Variants in ATP8A2 observed in about 807,000 individuals in gnomAD.
ATP8A2 encodes phospholipid-transporting ATPase IB.
A neutral mutation model predicts 165.6 loss-of-function variants in ATP8A2; 100 were observed. The observed-to-expected ratio is 0.60, with a 90% CI of 0.51 to 0.71. The LOEUF (loss-of-function observed/expected upper bound fraction) is 0.71, where lower values mean the gene tolerates loss of function less well. ATP8A2 is among the 30% of genes least tolerant of loss of function. The probability of loss-of-function intolerance (pLI) is 0.00; values close to 1 mark genes in which losing one functional copy is unlikely to be tolerated. For synonymous variants in ATP8A2, 543 were observed against 548.8 expected (o/e 0.99, Z 0.15); for missense variants, 1,227 against 1,479.5 (o/e 0.83, Z 2.80).
At chr13:25,973,418 C>T (rs1451255800) in intron 35 of ATP8A2, among the ~76,000 whole-genome samples, 1 of 152,154 alleles carries the variant, frequency 6.6e-6, no homozygotes, top group Non-Finnish European at 1.5e-5. Flanking sequence ...GCCCTGGTCA[C>T]AGCCTTGGAC....
At chr13:25,649,191 G>T (rs1223469287) in intron 24 of ATP8A2, among the ~76,000 whole-genome samples, 1 of 152,130 alleles carries the variant, frequency 6.6e-6, no homozygotes, top group Non-Finnish European at 1.5e-5. Context: ...TGCAATTCTG[G>T]TTGGGCTAGC....
At chr13:25,401,855 T>C (rs1341027500) in intron 1 of ATP8A2, among the ~76,000 whole-genome samples, 1 of 152,172 alleles carries the variant, frequency 6.6e-6, no homozygotes, top group African/African-American at 2.4e-5. Flanking sequence ...ACTGTTGTGC[T>C]TTGGGGCTAT....
chr13:25,807,874 A>G (rs1431769024), intron 27 of ATP8A2, among the ~76,000 whole-genome samples: 1 of 152,194 alleles, frequency 6.6e-6, no homozygotes, highest in African/African-American at 2.4e-5. Context: ...GGAAGAAAGG[A>G]ATAAAGGGTA....
intron 33 of ATP8A2, among the ~76,000 whole-genome samples, chr13:25,921,430 G>C (rs1298683716): frequency 6.6e-6 from 1 of 151,286 alleles, no homozygotes; most frequent in Non-Finnish European, 1.5e-5. Flanking sequence ...AGCCTGGCCA[G>C]GTTGGTGAAA....
chr13:25,388,623 AC>A (rs2033140830), intron 1 of ATP8A2, among the ~76,000 whole-genome samples: 1 of 152,154 alleles, frequency 6.6e-6, no homozygotes, highest in African/African-American at 2.4e-5. Flanking sequence ...AGATAACATA[AC>A]CGATCAGGTC....
chr13:25,465,124 G>A (rs2035599841), intron 1 of ATP8A2, among the ~76,000 whole-genome samples: 1 of 152,228 alleles, frequency 6.6e-6, no homozygotes, highest in Non-Finnish European at 1.5e-5. Flanking sequence ...CTCATTTTAT[G>A]TGGTAGTATT....
rs149257236 is a variant in ATP8A2 at position 25,862,363 on chromosome 13, G to A, written c.3138G>A (p.Ser1046=). 1.1e-4 allele frequency: 179 copies of A among 1,613,990 alleles called. 1 individual carries two copies. The African/African-American group carries it at 2.0e-3, about 18-fold the overall frequency. Residue 1046 remains serine (S), a synonymous_variant, in exon 33 of 37, where the codon TCG becomes TCA. Coordinates refer to ENST00000381655, the MANE Select transcript of ATP8A2 (RefSeq NM_016529.6). The stretch of plus-strand genomic sequence containing the variant: ...GGCTGGTGTTTTTTGGCATCTACTC[G>A]ACCATCTGGCCCACCATTCCCATTG... The part of the protein sequence containing the change: ...LTWLVFFGIY[S]TIWPTIPIAP...
rs1489682797 is a variant in ATP8A2, at chr13:25,372,082, C to G, written c.-131C>G. 1.9e-6 allele frequency: 1 copy of G among 536,376 alleles called. No homozygotes were observed. Among genetic ancestry groups the G allele is most frequent in the African/African-American group, 2.0e-5 (1 of 49,604 alleles). The allele number at this position is 536,376 out of a possible 1,614,324, so 33.2% of individuals were successfully genotyped here. ...GGGCGCGGCCCGGCACAGGCGCCGGCGGTCCCCGCCAGCTAGCAGCCCGGC... is the reference window on the plus strand; with the variant it reads ...GGGCGCGGCCCGGCACAGGCGCCGGGGGTCCCCGCCAGCTAGCAGCCCGGC... On this transcript the variant is annotated 5_prime_UTR_variant, in exon 1 of 37. Transcript: ENST00000381655. The surrounding 1 kb of genome is among the most constrained non-coding windows in gnomAD (Gnocchi z 4.8).
At chr13:25,605,591 A>G (rs756466168) in intron 24 of ATP8A2, among the ~76,000 whole-genome samples, 5 of 152,170 alleles carry the variant, frequency 3.3e-5, no homozygotes, top group Admixed American at 6.5e-5. Flanking sequence ...GTATATACAT[A>G]TATGCCTGTG....
intron 33 of ATP8A2, among the ~76,000 whole-genome samples, chr13:25,908,201 C>T (rs1321604359): frequency 6.6e-6 from 1 of 151,896 alleles, no homozygotes; most frequent in Non-Finnish European, 1.5e-5. Flanking sequence ...TTTCTTTGCT[C>T]CTATGTCTGT....
intron 1 of ATP8A2, among the ~76,000 whole-genome samples, chr13:25,436,448 T>C (rs1203862165): frequency 2.0e-5 from 3 of 152,180 alleles, no homozygotes; most frequent in African/African-American, 7.2e-5. Context: ...ATCTCATTCT[T>C]TTTTATGGCT....
chr13:25,524,864 CTTG>C (rs1427706788), intron 2 of ATP8A2, among the ~76,000 whole-genome samples: 5 of 151,198 alleles, frequency 3.3e-5, no homozygotes, highest in Non-Finnish European at 7.4e-5. Flanking sequence ...CATTTTTCTG[CTTG>C]TTTTCTCATT....
intron 33 of ATP8A2, among the ~76,000 whole-genome samples, chr13:25,914,332 C>T (rs1421351310): frequency 6.6e-6 from 1 of 152,188 alleles, no homozygotes; most frequent in South Asian, 2.1e-4. Context: ...CCAGCCCTTA[C>T]CTCTTTCTTA....
intron 24 of ATP8A2, among the ~76,000 whole-genome samples, chr13:25,693,200 A>G (rs2042764038): frequency 6.6e-6 from 1 of 152,192 alleles, no homozygotes; most frequent in South Asian, 2.1e-4. Context: ...AATGGATTCT[A>G]AGTGCCCAAT....
chr13:25,754,593 G>A (rs2044221614), intron 25 of ATP8A2, among the ~76,000 whole-genome samples: 1 of 151,866 alleles, frequency 6.6e-6, no homozygotes, highest in African/African-American at 2.4e-5. Context: ...TGTAACTAAG[G>A]GAATCTTGGA....
chr13:25,792,819 G>T (rs900747806), intron 27 of ATP8A2, among the ~76,000 whole-genome samples: 3 of 152,080 alleles, frequency 2.0e-5, no homozygotes, highest in African/African-American at 7.2e-5. Context: ...AGCTCCTTGG[G>T]AGGCTGAGGC....
intron 33 of ATP8A2, chr13:25,880,789 G>T (rs767292045): frequency 5.0e-6 from 2 of 403,596 alleles, no homozygotes; most frequent in Non-Finnish European, 9.9e-6. Context: ...CTTTTCAACA[G>T]AAGCAGCCAA....
chr13:25,970,621 T>G (rs991486531), intron 35 of ATP8A2, among the ~76,000 whole-genome samples: 1 of 152,234 alleles, frequency 6.6e-6, no homozygotes, highest in Non-Finnish European at 1.5e-5. Context: ...TCATCTGTCA[T>G]AGAAGAAGGC....
chr13:25,597,360 A>G (rs1265817181), intron 24 of ATP8A2, among the ~76,000 whole-genome samples: 1 of 152,234 alleles, frequency 6.6e-6, no homozygotes, highest in African/African-American at 2.4e-5. Context: ...CCAGTAGAAT[A>G]TGGCAAAGGT....
Sources: allele counts gnomAD v4.1 joint callset (sites outside exome capture counted in the v4.1 genomes callset), GRCh38; gene constraint gnomAD v4.1.1; non-coding constraint Gnocchi (gnomAD v3.1); transcripts MANE v1.5; gene names NCBI Gene and HGNC (gene_info 2026-07-23, HGNC 2026-07-21).